Variants in NCEH1 observed in about 807,000 individuals in gnomAD.
The protein encoded by NCEH1 is neutral cholesterol ester hydrolase 1.
Under a neutral mutation model 25.4 loss-of-function variants are expected in NCEH1, and 9 were observed. The observed-to-expected ratio is 0.35, with a 90% CI of 0.21 to 0.62. NCEH1 has a LOEUF of 0.62. Among genes scored for constraint, NCEH1 ranks in the 20% least tolerant of loss-of-function variants. The probability of loss-of-function intolerance (pLI) is 0.72; values close to 1 mark genes in which losing one functional copy is unlikely to be tolerated. For missense variants in NCEH1, 412 were observed against 501.1 expected (o/e 0.82, Z 1.70); for synonymous variants, 200 against 199.8 (o/e 1.00, Z -0.01).
intron 1 of NCEH1, among the ~76,000 whole-genome samples, chr3:172,665,776 C>T (rs143824627): frequency 0.012 from 1,837 of 152,202 alleles, 41 homozygotes; most frequent in African/African-American, 0.042. Context: ...CCATGGGTGT[C>T]GGACCCGCCG....
chr3:172,682,137 A>AC (rs1359116152), intron 1 of NCEH1, among the ~76,000 whole-genome samples: 2 of 152,202 alleles, frequency 1.3e-5, no homozygotes, highest in Non-Finnish European at 2.9e-5. Context: ...AGGCCATGGC[A>AC]CTACTGTTAA....
intron 4 of NCEH1, among the ~76,000 whole-genome samples, chr3:172,635,433 C>T (rs1306121776): frequency 1.3e-5 from 2 of 152,028 alleles, no homozygotes. Context: ...AGGTAAAGCT[C>T]ATAGTAACTT....
intron 1 of NCEH1, 38 bp from the exon 2 acceptor site, chr3:172,648,152 C>G (rs551918479): frequency 7.4e-6 from 12 of 1,610,948 alleles, no homozygotes; most frequent in African/African-American, 1.3e-5. Context: ...GGAGGGCGCA[C>G]GTCAACTTGG....
chr3:172,656,159 GA>G (rs1434570793), intron 1 of NCEH1, among the ~76,000 whole-genome samples: 7 of 152,134 alleles, frequency 4.6e-5, no homozygotes, highest in Non-Finnish European at 7.4e-5. Flanking sequence ...AGGAGTTGAA[GA>G]AAGAGAGAGA....
At chr3:172,643,042 G>A (rs565068607) in intron 3 of NCEH1, among the ~76,000 whole-genome samples, 9 of 152,208 alleles carry the variant, frequency 5.9e-5, no homozygotes, top group Middle Eastern at 3.4e-3. Context: ...GGGTTCAAGT[G>A]ATTCTCCTAC....
At chr3:172,708,714 G>C (rs2108234378) in intron 1 of NCEH1, among the ~76,000 whole-genome samples, 1 of 152,266 alleles carries the variant, frequency 6.6e-6, no homozygotes, top group African/African-American at 2.4e-5. Flanking sequence ...ATTACTTCCA[G>C]TTTACATTTA....
chr3:172,646,172 C>T (rs1357454066), intron 2 of NCEH1, among the ~76,000 whole-genome samples: 1 of 152,066 alleles, frequency 6.6e-6, no homozygotes, highest in Non-Finnish European at 1.5e-5. Flanking sequence ...AGCAACATAG[C>T]CAGATGCTGC....
chr3:172,662,445 T>A (rs1718013532), intron 1 of NCEH1, among the ~76,000 whole-genome samples: 1 of 152,212 alleles, frequency 6.6e-6, no homozygotes, highest in Non-Finnish European at 1.5e-5. Flanking sequence ...TTGTTGTGTC[T>A]GCCAGACTTA....
intron 3 of NCEH1, among the ~76,000 whole-genome samples, chr3:172,643,296 C>T (rs58083037): frequency 0.091 from 13,916 of 152,162 alleles, 772 homozygotes; most frequent in African/African-American, 0.16. Flanking sequence ...TGGACTCGAA[C>T]TCCTGGGCTC....
At chr3:172,701,666 A>C (rs1713703292) in intron 1 of NCEH1, among the ~76,000 whole-genome samples, 1 of 133,046 alleles carries the variant, frequency 7.5e-6, no homozygotes, top group South Asian at 2.3e-4. Context: ...GGGTTTCACC[A>C]TACCGGCCAG....
intron 1 of NCEH1, among the ~76,000 whole-genome samples, chr3:172,656,530 G>A (rs1317154838): frequency 1.3e-5 from 2 of 152,158 alleles, no homozygotes; most frequent in Admixed American, 6.6e-5. Context: ...ACTTTGGGAG[G>A]CCGAGGCAGG....
chr3:172,640,737 G>C (rs1716812288), intron 3 of NCEH1, among the ~76,000 whole-genome samples: 1 of 152,098 alleles, frequency 6.6e-6, no homozygotes, highest in Non-Finnish European at 1.5e-5. Flanking sequence ...TCGATCTCCT[G>C]ACCTCGTGAT....
intron 1 of NCEH1, 136 bp downstream of exon 1, chr3:172,710,711 A>G: frequency 1.1e-6 from 1 of 908,370 alleles, no homozygotes; most frequent in Non-Finnish European, 1.7e-6. Flanking sequence ...TCCCGACTGG[A>G]CCACCTCAAA....
intron 1 of NCEH1, among the ~76,000 whole-genome samples, chr3:172,703,876 T>A (rs2108539306): frequency 6.6e-6 from 1 of 152,340 alleles, no homozygotes; most frequent in African/African-American, 2.4e-5. Context: ...GAACTAACAC[T>A]GATTAAATAA....
At chr3:172,701,621 T>TTG in intron 1 of NCEH1, among the ~76,000 whole-genome samples, 1 of 136,852 alleles carries the variant, frequency 7.3e-6, no homozygotes, top group East Asian at 2.0e-4. Context: ...AGCTAGTTTT[T>TTG]TTTTTTTTTT....
chr3:172,657,700 G>T (rs1285016162), intron 1 of NCEH1, among the ~76,000 whole-genome samples: 1 of 152,032 alleles, frequency 6.6e-6, no homozygotes, highest in East Asian at 1.9e-4. Context: ...CTGACTTCCT[G>T]TTTCTTACAG....
Position 172,633,082 on chromosome 3 carries a change from T to TCG in NCEH1, c.*391_*392dup, listed in dbSNP as rs1716436465. On this transcript the variant is annotated 3_prime_UTR_variant, in exon 5 of 5. Transcript: ENST00000475381. ...TAACTCTAGCAGAATTAAGGAGTCC[T>TCG]CGTTTTTTTAACTTATTAAAGGTCA... 5.1e-6 allele frequency: 1 copy of TCG among 194,334 alleles called. No homozygotes were observed. Among genetic ancestry groups the TCG allele is most frequent in the Non-Finnish European group, 1.1e-5 (1 of 94,410 alleles). The allele number at this position is 194,334 out of a possible 1,614,324, so 12.0% of individuals were successfully genotyped here. A position where few individuals can be genotyped will look rare whatever the true frequency, so the allele number is the denominator to read the frequency against.
At chr3:172,675,090 A>T (rs1711889806) in intron 1 of NCEH1, among the ~76,000 whole-genome samples, 1 of 152,166 alleles carries the variant, frequency 6.6e-6, no homozygotes. Context: ...CGGGCGGATC[A>T]CTTGAGATCA....
At chr3:172,669,402 G>C (rs1166409364) in intron 1 of NCEH1, among the ~76,000 whole-genome samples, 1 of 152,132 alleles carries the variant, frequency 6.6e-6, no homozygotes, top group African/African-American at 2.4e-5. Context: ...TAAGGAAGTA[G>C]AACTATTTTA....
Sources: allele counts gnomAD v4.1 joint callset (sites outside exome capture counted in the v4.1 genomes callset), GRCh38; gene constraint gnomAD v4.1.1; transcripts MANE v1.5; gene names NCBI Gene and HGNC (gene_info 2026-07-23, HGNC 2026-07-21).